The following EGFR variants were observed in gnomAD, a reference collection of about 807,000 sequenced individuals.
EGFR encodes avian erythroblastic leukemia viral (v-erb-b) oncogene homolog.
In EGFR, 58 loss-of-function variants were observed where a neutral mutation model predicts 143.0. That is an observed-to-expected ratio of 0.41 (90% confidence interval 0.33 to 0.50). EGFR has a LOEUF of 0.50. Among genes scored for constraint, EGFR ranks in the 20% least tolerant of loss-of-function variants. EGFR has a pLI of 0.39. For synonymous variants in EGFR, 613 were observed against 594.4 expected, an observed-to-expected ratio of 1.03 and a Z score of -0.45; for missense variants, 1,307 against 1,579.0, an observed-to-expected ratio of 0.83 and a Z score of 2.92.
chr7:55,115,643 C>T (rs1333576594), intron 1 of EGFR, among the ~76,000 whole-genome samples: 1 of 152,190 alleles, frequency 6.6e-6, no homozygotes, highest in African/African-American at 2.4e-5. Flanking sequence ...CATTCCCATC[C>T]ATGAGCTCCC....
chr7:55,176,024 C>A (rs190094591), intron 19 of EGFR, among the ~76,000 whole-genome samples: 26 of 152,138 alleles, frequency 1.7e-4, no homozygotes, highest in Non-Finnish European at 3.7e-4. Flanking sequence ...GAGTCAAGTC[C>A]TAGTAACAAA....
chr7:55,184,676 A>G (rs1049360375), intron 20 of EGFR, among the ~76,000 whole-genome samples: 4 of 152,186 alleles, frequency 2.6e-5, no homozygotes, highest in Non-Finnish European at 5.9e-5. Flanking sequence ...TACTTTGATT[A>G]GCTTTATTTT....
intron 19 of EGFR, among the ~76,000 whole-genome samples, chr7:55,178,825 G>A (rs1786721058): frequency 6.6e-6 from 1 of 152,172 alleles, no homozygotes; most frequent in Non-Finnish European, 1.5e-5. Context: ...CACTCTGCAG[G>A]AAATATTTAA....
intron 1 of EGFR, among the ~76,000 whole-genome samples, chr7:55,041,457 C>A (rs1787896669): frequency 1.3e-5 from 2 of 151,980 alleles, no homozygotes. Flanking sequence ...TGGAGTGAGC[C>A]CAAGGTGCCA....
rs184104680 is a variant in EGFR at position 55,151,780 on chromosome 7, A to G, written c.628+418A>G. Among the ~76,000 whole-genome samples, 114 of 152,310 alleles carry G rather than the reference A, an allele frequency of 7.5e-4. 4 individuals are homozygous for G. In the East Asian group the frequency reaches 0.02, roughly 27 times the overall value. On this transcript the variant is annotated intron_variant, in intron 5 of 27. Transcript: ENST00000275493. The stretch of plus-strand genomic sequence containing the variant: ...TCCCAGCTACTCGGGAGGCTGAGGC[A>G]GGAGAATGGCATGAACCTGGGAGGC...
chr7:55,187,641 C>T (rs1339204391), intron 20 of EGFR, among the ~76,000 whole-genome samples: 2 of 152,246 alleles, frequency 1.3e-5, no homozygotes, highest in African/African-American at 2.4e-5. Context: ...GGAACAGACT[C>T]TTCCATTTTT....
chr7:55,153,772 A>C (rs956303072), intron 6 of EGFR, among the ~76,000 whole-genome samples: 3 of 152,170 alleles, frequency 2.0e-5, no homozygotes, highest in Non-Finnish European at 4.4e-5. Flanking sequence ...TTTTTATCAT[A>C]ATCCATAAAT....
rs2128975718 is a variant in EGFR, at chr7:55,205,623, G to A, written c.*6G>A. 1 of 1,614,176 alleles carries A rather than the reference G, an allele frequency of 6.2e-7. No individual in the cohort carries two copies. The highest frequency in any genetic ancestry group is 8.5e-7 in the Non-Finnish European group (1 of 1,180,030). On this transcript the variant is annotated 3_prime_UTR_variant, in exon 28 of 28. Transcript: ENST00000275493. Reference sequence around the variant, plus strand: ...GTGAATTTATTGGAGCATGACCACGGAGGATAGTATGAGCCCTAAAAATCC... The same window carrying A: ...GTGAATTTATTGGAGCATGACCACGAAGGATAGTATGAGCCCTAAAAATCC...
Position 55,157,758 on chromosome 7 carries a change from G to A in EGFR, c.1298+5G>A. ...ACGCGGCAGGACCAAGCAACAGTAAGTTGACCACAGCCAAAGCCTGGTAGA... is the reference window on the plus strand; with the variant it reads ...ACGCGGCAGGACCAAGCAACAGTAAATTGACCACAGCCAAAGCCTGGTAGA... On this transcript the variant is annotated splice_donor_5th_base_variant and intron_variant, in intron 11 of 27. Transcript: ENST00000275493. 6.2e-7 allele frequency: 1 copy of A among 1,614,136 alleles called. No individual in the cohort carries two copies. The highest frequency in any genetic ancestry group is 8.5e-7 in the Non-Finnish European group (1 of 1,179,948).
At chr7:55,109,930 C>T (rs903583962) in intron 1 of EGFR, 196 of 985,294 alleles carry the variant, frequency 2.0e-4, no homozygotes, top group Non-Finnish European at 2.1e-4. Flanking sequence ...GCGACCTCTC[C>T]GCGCTGAGAA....
At chr7:55,095,679 A>T (rs199518287) in intron 1 of EGFR, among the ~76,000 whole-genome samples, 2 of 151,956 alleles carry the variant, frequency 1.3e-5, no homozygotes, top group East Asian at 3.9e-4. Context: ...ATACACAGAA[A>T]TACACACAGA....
At chr7:55,139,787 T>C (rs899626074) in intron 1 of EGFR, among the ~76,000 whole-genome samples, 1 of 152,212 alleles carries the variant, frequency 6.6e-6, no homozygotes, top group Non-Finnish European at 1.5e-5. Flanking sequence ...GGAATCATCA[T>C]GACGTAGAAT....
chr7:55,063,772 G>C (rs1789339180), intron 1 of EGFR, among the ~76,000 whole-genome samples: 2 of 152,198 alleles, frequency 1.3e-5, no homozygotes, highest in South Asian at 4.1e-4. Context: ...TGTTCAGAAA[G>C]GAGGCAGAAA....
chr7:55,086,468 A>T (rs964863258), intron 1 of EGFR, among the ~76,000 whole-genome samples: 2 of 152,258 alleles, frequency 1.3e-5, no homozygotes, highest in Non-Finnish European at 2.9e-5. Flanking sequence ...TCTTGGAATA[A>T]GACCAAGTAT....
chr7:55,136,295 T>A (rs1376632080), intron 1 of EGFR, among the ~76,000 whole-genome samples: 1 of 152,208 alleles, frequency 6.6e-6, no homozygotes, highest in African/African-American at 2.4e-5. Context: ...CCTCTGGCCT[T>A]TAAAGCCTAA....
chr7:55,201,075 C>T lies in EGFR; in HGVS notation c.2947-113C>T, dbSNP rs1311985340. The T allele has an allele frequency of 2.2e-6, 3 of 1,344,898 alleles. No individual in the cohort carries two copies. The African/African-American group carries it at 4.3e-5, about 19-fold the overall frequency. 83.3% of individuals were successfully genotyped at this position (1,344,898 alleles called of 1,614,324 possible). On this transcript the variant is annotated intron_variant, in intron 24 of 27. Transcript: ENST00000275493. ...AGAACCAAGGGGGATTTCATTATAACAAAATTGGCAAACACACAGGCACCT... is the reference window on the plus strand; with the variant it reads ...AGAACCAAGGGGGATTTCATTATAATAAAATTGGCAAACACACAGGCACCT...
At chr7:55,091,265 A>G (rs1016958245) in intron 1 of EGFR, among the ~76,000 whole-genome samples, 1 of 152,248 alleles carries the variant, frequency 6.6e-6, no homozygotes, top group Non-Finnish European at 1.5e-5. Context: ...AAGCGCTACA[A>G]TGATGAAATA....
intron 1 of EGFR, among the ~76,000 whole-genome samples, chr7:55,036,823 T>C (rs1203481469): frequency 6.6e-6 from 1 of 152,102 alleles, no homozygotes; most frequent in African/African-American, 2.4e-5. Flanking sequence ...ATAAAACCTC[T>C]AAGGAACACC....
At chr7:55,176,209 T>C (rs911544830) in intron 19 of EGFR, among the ~76,000 whole-genome samples, 1 of 152,176 alleles carries the variant, frequency 6.6e-6, no homozygotes, top group Non-Finnish European at 1.5e-5. Flanking sequence ...TTATACAAAA[T>C]CATGTTGAAA....
Sources: gnomAD v4.1 joint callset for allele counts (sites outside exome capture counted in the v4.1 genomes callset) on GRCh38, gnomAD v4.1.1 for gene constraint, MANE v1.5 for transcripts, NCBI Gene and HGNC (gene_info 2026-07-23, HGNC 2026-07-21) for gene names.